The following MAGI2 variants were observed in gnomAD, a reference collection of about 807,000 sequenced individuals.
MAGI2 encodes membrane associated guanylate kinase, WW and PDZ domain containing 2.
MAGI2 carries 35 observed loss-of-function variants against 133.3 expected under a neutral mutation model. That is an observed-to-expected ratio of 0.26 (90% confidence interval 0.20 to 0.35). The LOEUF (loss-of-function observed/expected upper bound fraction) is 0.35, where lower values mean the gene tolerates loss of function less well. Ranked by LOEUF, MAGI2 falls within the 10% of genes least tolerant of loss-of-function variation. The pLI is 1.00. For missense variants in MAGI2, 1,636 were observed against 1,863.4 expected (o/e 0.88, Z 2.25); for synonymous variants, 729 against 710.6 (o/e 1.03, Z -0.41).
intron 2 of MAGI2, among the ~76,000 whole-genome samples, chr7:78,969,426 G>A (rs1803599613): frequency 6.6e-6 from 1 of 151,956 alleles, no homozygotes; most frequent in African/African-American, 2.4e-5. Context: ...TAAATTTTCC[G>A]TTCCTTAACC....
chr7:78,111,477 A>G (rs1819353770), intron 20 of MAGI2, among the ~76,000 whole-genome samples: 2 of 152,234 alleles, frequency 1.3e-5, no homozygotes, highest in South Asian at 2.1e-4. Context: ...AAAGTTGGGC[A>G]TCTACTAGAA....
At chr7:79,046,332 A>G (rs1812181056) in intron 1 of MAGI2, among the ~76,000 whole-genome samples, 1 of 152,202 alleles carries the variant, frequency 6.6e-6, no homozygotes, top group Admixed American at 6.5e-5. Context: ...GAAAACCACA[A>G]GAAGACACCA....
intron 5 of MAGI2, among the ~76,000 whole-genome samples, chr7:78,492,944 A>C (rs1471771544): frequency 6.6e-6 from 1 of 152,196 alleles, no homozygotes; most frequent in African/African-American, 2.4e-5. Flanking sequence ...TATTTTTAGG[A>C]TAAAGCTAAT....
intron 2 of MAGI2, among the ~76,000 whole-genome samples, chr7:78,866,125 C>T (rs915900205): frequency 3.3e-5 from 5 of 152,168 alleles, no homozygotes; most frequent in African/African-American, 4.8e-5. Flanking sequence ...CTTATTATTA[C>T]GGACTGCTGA....
chr7:79,353,416 C>T (rs974079811), intron 1 of MAGI2: 6 of 454,682 alleles, frequency 1.3e-5, no homozygotes, highest in Non-Finnish European at 2.7e-5. Context: ...TAATCAACAA[C>T]TCCCAGAGCT....
chr7:79,353,388 A>G (rs1321694454), intron 1 of MAGI2: 1 of 449,036 alleles, frequency 2.2e-6, no homozygotes, highest in African/African-American at 2.0e-5. Flanking sequence ...TGGCTGTGGC[A>G]TCTTCTCCCA....
intron 6 of MAGI2, among the ~76,000 whole-genome samples, chr7:78,470,169 A>T (rs930063066): frequency 6.6e-6 from 1 of 152,148 alleles, no homozygotes; most frequent in Non-Finnish European, 1.5e-5. Context: ...AGTGCCTAGC[A>T]TGACACTGGT....
chr7:79,157,388 C>A (rs1823883456), intron 1 of MAGI2, among the ~76,000 whole-genome samples: 1 of 151,774 alleles, frequency 6.6e-6, no homozygotes, highest in South Asian at 2.1e-4. Flanking sequence ...GGGCTGATCA[C>A]CCAGTGTTTT....
At chr7:79,207,475 A>C (rs1199028639) in intron 1 of MAGI2, among the ~76,000 whole-genome samples, 3 of 151,856 alleles carry the variant, frequency 2.0e-5, no homozygotes, top group Admixed American at 2.0e-4. Flanking sequence ...ATTGCTACAA[A>C]ATATAAAATA....
At chr7:78,209,390 T>C (rs1213501632) in intron 10 of MAGI2, among the ~76,000 whole-genome samples, 1 of 149,038 alleles carries the variant, frequency 6.7e-6, no homozygotes, top group Non-Finnish European at 1.5e-5. Flanking sequence ...GCCTCCCGAG[T>C]AGCTGGGACT....
chr7:78,726,566 G>C (rs1442174453), intron 2 of MAGI2, among the ~76,000 whole-genome samples: 3 of 152,140 alleles, frequency 2.0e-5, no homozygotes, highest in Non-Finnish European at 4.4e-5. Flanking sequence ...AAAGATAGAA[G>C]GGCAAGGTGG....
At chr7:78,592,828 C>CTTTTTTTTTTTT (rs10675572) in intron 3 of MAGI2, among the ~76,000 whole-genome samples, 3 of 106,874 alleles carry the variant, frequency 2.8e-5, no homozygotes, top group African/African-American at 8.7e-5. Context: ...TACTGATTCT[C>CTTTTTTTTTTTT]TTTTTTTTTT....
chr7:78,518,123 C>T (rs1411136608), intron 4 of MAGI2: 1 of 151,962 alleles, frequency 6.6e-6, no homozygotes, highest in Non-Finnish European at 1.5e-5. Flanking sequence ...AATGCTTATA[C>T]ATGCACAGAA....
intron 2 of MAGI2, 166 bp downstream of exon 2, chr7:79,006,924 C>A: frequency 2.0e-6 from 1 of 507,028 alleles, no homozygotes; most frequent in East Asian, 3.3e-5. Flanking sequence ...CATACTACTG[C>A]AGTTATAAGC....
intron 1 of MAGI2, chr7:79,413,838 T>C (rs1271138782): frequency 1.3e-5 from 2 of 152,176 alleles, no homozygotes; most frequent in African/African-American, 2.4e-5. Context: ...ATCTATTCTG[T>C]TCAATATTTG....
At chr7:79,296,472 G>A (rs1836937621) in intron 1 of MAGI2, among the ~76,000 whole-genome samples, 1 of 152,016 alleles carries the variant, frequency 6.6e-6, no homozygotes, top group African/African-American at 2.4e-5. Context: ...AGAAAATGTG[G>A]TATATATACA....
intron 1 of MAGI2, among the ~76,000 whole-genome samples, chr7:79,307,710 G>A (rs1037213811): frequency 3.3e-5 from 5 of 152,104 alleles, no homozygotes; most frequent in Admixed American, 1.3e-4. Flanking sequence ...ATAGCTTTTT[G>A]GTTAAAAGAA....
intron 2 of MAGI2, among the ~76,000 whole-genome samples, chr7:78,718,411 G>A (rs1819931260): frequency 1.3e-5 from 2 of 152,140 alleles, no homozygotes; most frequent in Admixed American, 1.3e-4. Context: ...TGGCAGGTGA[G>A]TGAGCAAAGC....
rs182145110 is a variant in MAGI2 at position 79,327,192 on chromosome 7, C to T, written c.301+125828G>A. Among the ~76,000 whole-genome samples, 244 of 152,206 alleles carry T rather than the reference C, an allele frequency of 1.6e-3. 1 individual carries two copies. The highest frequency in any genetic ancestry group is 5.4e-3 in the African/African-American group (223 of 41,538). ...TTTTGGTCTGTAAGAGTATGCACGT[C>T]AAAAGATAGTAATGACGATTAACGT... is the stretch of plus-strand genomic sequence containing the variant. On this transcript the variant is annotated intron_variant, in intron 1 of 21. Transcript: ENST00000354212.
Sources: gnomAD v4.1 joint callset for allele counts (sites outside exome capture counted in the v4.1 genomes callset) on GRCh38, gnomAD v4.1.1 for gene constraint, MANE v1.5 for transcripts, NCBI Gene and HGNC (gene_info 2026-07-23, HGNC 2026-07-21) for gene names.